BLTP1: variants seen among roughly 807,000 people sequenced by gnomAD.
The protein encoded by BLTP1 is fragile site-associated protein.
chr4:122,226,710 G>T, the BLTP1 span: 1 of 1,613,158 alleles, frequency 6.2e-7, no homozygotes. Context: ...TCTGTAGCTG[G>T]CATGCCTCTT....
chr4:122,349,585 A>G, the BLTP1 span: 1 of 1,611,436 alleles, frequency 6.2e-7, no homozygotes, highest in Non-Finnish European at 8.5e-7. This position sits in a 1 kb window ranked among gnomAD's most constrained non-coding sequence, Gnocchi z 4.5. Flanking sequence ...CTTAAGCTTC[A>G]GGATGAATGG....
chr4:122,247,416 C>T, the BLTP1 span: 1 of 1,572,618 alleles, frequency 6.4e-7, no homozygotes, highest in Non-Finnish European at 8.7e-7. Context: ...GATGATTTTG[C>T]AGAAGGGAAC....
chr4:122,193,558 C>T, the BLTP1 span: 858 of 513,050 alleles, frequency 1.7e-3, 11 homozygotes, highest in African/African-American at 0.016. Flanking sequence ...CATTTTTCTA[C>T]TTCTTGAAGA....
chr4:122,267,916 G>A, the BLTP1 span, among the ~76,000 whole-genome samples: 5 of 151,974 alleles, frequency 3.3e-5, no homozygotes, highest in African/African-American at 7.3e-5. Flanking sequence ...CATCCTTTTT[G>A]TGTTTTTGCA....
the BLTP1 span, chr4:122,309,141 G>T: frequency 1.5e-6 from 2 of 1,302,600 alleles, no homozygotes; most frequent in Non-Finnish European, 2.0e-6. Flanking sequence ...TTTCTAAGCT[G>T]CTCTTTAATG....
At chr4:122,313,616 A>AT in the BLTP1 span, 1 of 1,567,308 alleles carries the variant, frequency 6.4e-7, no homozygotes, top group Non-Finnish European at 8.7e-7. Flanking sequence ...TTTTGGGGTG[A>AT]TTTTTGTACA....
the BLTP1 span, chr4:122,229,146 C>T: frequency 6.2e-7 from 1 of 1,604,554 alleles, no homozygotes; most frequent in Non-Finnish European, 8.5e-7. Context: ...GGGCCTTGTC[C>T]AACTTCAGAT....
chr4:122,273,488 TAA>T, the BLTP1 span: 16 of 780,540 alleles, frequency 2.0e-5, no homozygotes, highest in Non-Finnish European at 2.5e-5. Flanking sequence ...AGTTGATATT[TAA>T]AAAAAAAAAA....
At chr4:122,360,612 G>A in the BLTP1 span, among the ~76,000 whole-genome samples, 2 of 152,154 alleles carry the variant, frequency 1.3e-5, no homozygotes, top group Non-Finnish European at 2.9e-5. Context: ...ATTATGCAGT[G>A]AGGACTCTTG....
chr4:122,287,874 A>C, the BLTP1 span, among the ~76,000 whole-genome samples: 1 of 152,156 alleles, frequency 6.6e-6, no homozygotes, highest in African/African-American at 2.4e-5. Context: ...TGAAAACTAA[A>C]AGCCCCAAGC....
At chr4:122,163,992 T>C in the BLTP1 span, among the ~76,000 whole-genome samples, 1 of 152,206 alleles carries the variant, frequency 6.6e-6, no homozygotes, top group Admixed American at 6.5e-5. Context: ...TAGAACATTG[T>C]AGGCATTCCT....
the BLTP1 span, among the ~76,000 whole-genome samples, chr4:122,213,178 G>A: frequency 2.6e-5 from 4 of 151,932 alleles, no homozygotes; most frequent in Admixed American, 6.6e-5. Flanking sequence ...GTCTACAGGC[G>A]AGCACCACCA....
the BLTP1 span, among the ~76,000 whole-genome samples, chr4:122,218,156 A>G: frequency 6.6e-6 from 1 of 152,004 alleles, no homozygotes; most frequent in African/African-American, 2.4e-5. Context: ...TGTCTTGTCA[A>G]AGAACCAGCC....
At chr4:122,278,074 T>C in the BLTP1 span, among the ~76,000 whole-genome samples, 20 of 152,250 alleles carry the variant, frequency 1.3e-4, no homozygotes, top group East Asian at 3.9e-3. Flanking sequence ...TTAGATAACA[T>C]TGTTTCTTCA....
At chr4:122,216,571 A>G in the BLTP1 span, among the ~76,000 whole-genome samples, 1 of 151,996 alleles carries the variant, frequency 6.6e-6, no homozygotes, top group Non-Finnish European at 1.5e-5. Context: ...CTTTTGAGAA[A>G]TGTCTATTCA....
the BLTP1 span, chr4:122,200,865 T>C: frequency 2.4e-5 from 31 of 1,273,078 alleles, no homozygotes; most frequent in Non-Finnish European, 3.3e-5. Flanking sequence ...CACAGCAATA[T>C]TAAAGTCTCA....
the BLTP1 span, chr4:122,169,939 G>C: frequency 1.0e-6 from 1 of 985,100 alleles, no homozygotes; most frequent in Non-Finnish European, 1.2e-6. Flanking sequence ...TTAAGTGGTG[G>C]CTTTGGGACA....
chr4:122,247,526 C>G, the BLTP1 span: 11 of 1,040,720 alleles, frequency 1.1e-5, no homozygotes, highest in Non-Finnish European at 1.1e-5. Context: ...CTACTTGTCA[C>G]TCACATTCTG....
At chr4:122,312,976 A>C in the BLTP1 span, 2 of 617,418 alleles carry the variant, frequency 3.2e-6, no homozygotes, top group Non-Finnish European at 4.0e-6. Context: ...AGTTGTTTCA[A>C]CTTTTACTAT....
Sources: gnomAD v4.1 joint callset for allele counts (sites outside exome capture counted in the v4.1 genomes callset) on GRCh38, gnomAD v4.1.1 for gene constraint, Gnocchi (gnomAD v3.1) non-coding constraint, MANE v1.5 for transcripts, NCBI Gene and HGNC (gene_info 2026-07-23, HGNC 2026-07-21) for gene names.